The following MBD5 variants were observed in gnomAD, a reference collection of about 807,000 sequenced individuals.
MBD5 encodes methyl-CpG binding domain protein 5, also known as methyl-CpG-binding domain protein 5.
Under a neutral mutation model 117.3 loss-of-function variants are expected in MBD5, and 13 were observed. The observed-to-expected ratio is 0.11, with a 90% CI of 0.07 to 0.18. The LOEUF (loss-of-function observed/expected upper bound fraction) is 0.18, where lower values mean the gene tolerates loss of function less well. MBD5 is among the 10% of genes least tolerant of loss of function. The pLI, the probability that MBD5 is intolerant of heterozygous loss-of-function variation, is 1.00. For missense variants in MBD5, 1,879 were observed against 2,093.8 expected (o/e 0.90, Z 2.00); for synonymous variants, 727 against 766.4 (o/e 0.95, Z 0.85).
At chr2:148,510,854 C>T (rs576587438) in intron 13 of MBD5, among the ~76,000 whole-genome samples, 1 of 152,276 alleles carries the variant, frequency 6.6e-6, no homozygotes, top group South Asian at 2.1e-4. Context: ...AGCCCTGAGA[C>T]ATTAAATTTC....
At chr2:148,409,629 A>G (rs905020177) in intron 4 of MBD5, among the ~76,000 whole-genome samples, 8 of 152,212 alleles carry the variant, frequency 5.3e-5, no homozygotes, top group African/African-American at 1.9e-4. Flanking sequence ...GACGCTCACT[A>G]CATGTTTTAT....
intron 1 of MBD5, among the ~76,000 whole-genome samples, chr2:148,073,806 A>AC (rs1695421276): frequency 6.6e-6 from 1 of 152,162 alleles, no homozygotes. Flanking sequence ...CAAGTTATGG[A>AC]CCTAGGCAGT....
rs116886362 is a variant in MBD5, at chr2:148,218,648, C to T, written c.-830-14597C>T. ...GATGTTATAGCCTACTGTACACTTA[C>T]GCTATAGGGTATAGCCTATTGCTCC... On this transcript the variant is annotated intron_variant, in intron 2 of 13. Transcript: ENST00000642680. Among the ~76,000 whole-genome samples, 575 of 152,274 alleles carry T rather than the reference C, an allele frequency of 3.8e-3. 2 individuals are homozygous for T. Among genetic ancestry groups the T allele is most frequent in the African/African-American group, 0.012 (514 of 41,552 alleles).
At chr2:148,434,739 G>A (rs1706103082) in intron 4 of MBD5, among the ~76,000 whole-genome samples, 1 of 152,068 alleles carries the variant, frequency 6.6e-6, no homozygotes. Flanking sequence ...GGTGTTTTGG[G>A]GTAGAGAGTT....
intron 1 of MBD5, among the ~76,000 whole-genome samples, chr2:148,128,822 G>C (rs78840719): frequency 6.6e-6 from 1 of 150,828 alleles, no homozygotes; most frequent in African/African-American, 2.4e-5. Context: ...CTCCATCTTA[G>C]AAAAAAAAAC....
chr2:148,341,357 T>TGAA (rs1702942248), intron 3 of MBD5, among the ~76,000 whole-genome samples: 1 of 151,934 alleles, frequency 6.6e-6, no homozygotes, highest in Admixed American at 6.6e-5. Context: ...TCTTGTTCTC[T>TGAA]TTTTGAGATT....
At chr2:148,064,999 C>A (rs1488869957) in intron 1 of MBD5, among the ~76,000 whole-genome samples, 1 of 152,054 alleles carries the variant, frequency 6.6e-6, no homozygotes, top group African/African-American at 2.4e-5. Context: ...CTTTCAGGCC[C>A]CATACACCAG....
chr2:148,484,928 T>G (rs1460074873), intron 9 of MBD5, among the ~76,000 whole-genome samples: 1 of 152,182 alleles, frequency 6.6e-6, no homozygotes, highest in Admixed American at 6.5e-5. Context: ...TATTTATGTG[T>G]TTTTGATTTT....
intron 4 of MBD5, among the ~76,000 whole-genome samples, chr2:148,368,159 A>C (rs955982118): frequency 1.3e-5 from 2 of 152,198 alleles, no homozygotes; most frequent in African/African-American, 4.8e-5. Context: ...AAAAAGTATG[A>C]GTTCATGTCC....
intron 3 of MBD5, among the ~76,000 whole-genome samples, chr2:148,283,170 T>C (rs1701291431): frequency 6.6e-6 from 1 of 152,102 alleles, no homozygotes; most frequent in Non-Finnish European, 1.5e-5. Flanking sequence ...CAGAATGCAA[T>C]GTATAAACTG....
rs1176216995 is a variant in MBD5 at position 148,051,859 on chromosome 2, G to A, written c.-925+30175G>A. ...TTGGCTTTTGTGTCAAGATATGCTG[G>A]TCTTACAGTATGAGTTAAGGAGTAT... On this transcript the variant is annotated intron_variant, in intron 1 of 13. Transcript: ENST00000642680. Among the ~76,000 whole-genome samples the A allele has an allele frequency of 5.9e-5, 9 of 151,988 alleles. No individual in the cohort carries two copies. The East Asian group carries it at 1.5e-3, about 26-fold the overall frequency.
intron 4 of MBD5, among the ~76,000 whole-genome samples, chr2:148,419,515 A>G (rs567268389): frequency 6.6e-6 from 1 of 152,256 alleles, no homozygotes; most frequent in African/African-American, 2.4e-5. Flanking sequence ...AATTGCTCCA[A>G]TATCATTTAT....
intron 3 of MBD5, among the ~76,000 whole-genome samples, chr2:148,340,493 T>C (rs1574308673): frequency 6.6e-6 from 1 of 152,174 alleles, no homozygotes; most frequent in African/African-American, 2.4e-5. Context: ...TAATTCTCCA[T>C]GTTTTAATTT....
chr2:148,149,061 G>A (rs532694849), intron 1 of MBD5, among the ~76,000 whole-genome samples: 10 of 151,734 alleles, frequency 6.6e-5, no homozygotes, highest in African/African-American at 1.2e-4. Context: ...CTAGCATTAG[G>A]TATATCTCCC....
At chr2:148,063,014 T>C (rs1695082327) in intron 1 of MBD5, among the ~76,000 whole-genome samples, 1 of 152,198 alleles carries the variant, frequency 6.6e-6, no homozygotes, top group South Asian at 2.1e-4. Context: ...TTGAGATCTA[T>C]GACCCAGTTT....
At chr2:148,424,489 A>G (rs894989434) in intron 4 of MBD5, among the ~76,000 whole-genome samples, 13 of 152,066 alleles carry the variant, frequency 8.5e-5, no homozygotes, top group African/African-American at 2.9e-4. Flanking sequence ...ACAGAAAATT[A>G]ACAAGGATAT....
intron 4 of MBD5, among the ~76,000 whole-genome samples, chr2:148,403,649 G>C (rs1202711172): frequency 6.6e-6 from 1 of 152,042 alleles, no homozygotes; most frequent in African/African-American, 2.4e-5. Context: ...TTCCTTCAAT[G>C]GCAACATCTG....
chr2:148,413,693 A>G (rs1263036252), intron 4 of MBD5, among the ~76,000 whole-genome samples: 2 of 151,320 alleles, frequency 1.3e-5, no homozygotes, highest in Admixed American at 6.6e-5. Flanking sequence ...TCCTCATTCA[A>G]TGTTAGGAGG....
In MBD5 at chr2:148,294,501, G is replaced by GTTTTTTTTTTTTTTTTTTT. The variant is rs58961481; in HGVS notation, c.-679-47711_-679-47693dup. Among the ~76,000 whole-genome samples, 102 of 113,240 alleles carry GTTTTTTTTTTTTTTTTTTT rather than the reference G, an allele frequency of 9.0e-4. 7 individuals carry two copies. The highest frequency in any genetic ancestry group is 3.5e-3 in the African/African-American group (96 of 27,280). 74.3% of individuals were successfully genotyped at this position (113,240 alleles called of 152,430 possible). On this transcript the variant is annotated intron_variant, in intron 3 of 13. Coordinates refer to ENST00000642680, the MANE Select transcript of MBD5 (RefSeq NM_001378120.1). Reference sequence around the variant, plus strand: ...GGCCTCCCAAAGTGCTGGGATTACAGTTTTTTTTTTTTTTTTTTTTGAGAT... The same window carrying GTTTTTTTTTTTTTTTTTTT: ...GGCCTCCCAAAGTGCTGGGATTACAGTTTTTTTTTTTTTTTTTTTTTTTTTTTTTTTTTTTTTTTGAGAT...
Sources: allele counts gnomAD v4.1 joint callset (sites outside exome capture counted in the v4.1 genomes callset), GRCh38; gene constraint gnomAD v4.1.1; transcripts MANE v1.5; gene names NCBI Gene and HGNC (gene_info 2026-07-23, HGNC 2026-07-21).